The following TANC1 variants were observed in gnomAD, a reference collection of about 807,000 sequenced individuals.
TANC1 encodes protein TANC1.
In TANC1, 77 loss-of-function variants were observed where a neutral mutation model predicts 149.7. That is an observed-to-expected ratio of 0.51 (90% CI 0.43 to 0.62). TANC1 has a LOEUF of 0.62. TANC1 is among the 20% of genes least tolerant of loss of function. The probability of loss-of-function intolerance (pLI) is 0.00; values close to 1 mark genes in which losing one functional copy is unlikely to be tolerated. For missense variants in TANC1, 1,985 were observed against 2,321.8 expected, an observed-to-expected ratio of 0.85 and a Z score of 2.98; for synonymous variants, 854 against 925.0, an observed-to-expected ratio of 0.92 and a Z score of 1.39.
intron 19 of TANC1, among the ~76,000 whole-genome samples, chr2:159,214,527 C>A (rs1297619169): frequency 6.6e-6 from 1 of 152,236 alleles, no homozygotes; most frequent in Non-Finnish European, 1.5e-5. Flanking sequence ...GGTACCAGCA[C>A]TGACTTCTCA....
intron 1 of TANC1, among the ~76,000 whole-genome samples, chr2:158,992,226 T>C: frequency 6.6e-6 from 1 of 151,940 alleles, no homozygotes; most frequent in East Asian, 1.9e-4. Flanking sequence ...TAGATGGGCA[T>C]GGTGGTGTGC....
At chr2:159,136,002 T>G (rs13011527) in intron 4 of TANC1, among the ~76,000 whole-genome samples, 192 bp from the exon 5 acceptor site, 68 of 107,876 alleles carry the variant, frequency 6.3e-4, no homozygotes, top group African/African-American at 1.2e-3. Flanking sequence ...TACTGAAATT[T>G]TGTGTGTGTG....
intron 1 of TANC1, among the ~76,000 whole-genome samples, chr2:158,983,731 T>C (rs2034691601): frequency 6.6e-6 from 1 of 152,176 alleles, no homozygotes; most frequent in African/African-American, 2.4e-5. Flanking sequence ...ATTTATGAAA[T>C]AAATATTACC....
intron 2 of TANC1, among the ~76,000 whole-genome samples, chr2:159,063,089 G>A (rs1299555944): frequency 2.6e-5 from 4 of 151,376 alleles, no homozygotes; most frequent in Non-Finnish European, 4.4e-5. Flanking sequence ...AGACAGTTGT[G>A]TGAACTGGAC....
chr2:159,199,838 C>A (rs1384807834), intron 19 of TANC1, among the ~76,000 whole-genome samples: 1 of 152,124 alleles, frequency 6.6e-6, no homozygotes, highest in African/African-American at 2.4e-5. Flanking sequence ...AAATTATTTC[C>A]TAATAAGCCA....
At chr2:158,982,060 C>G (rs2034452315) in intron 1 of TANC1, among the ~76,000 whole-genome samples, 2 of 151,816 alleles carry the variant, frequency 1.3e-5, no homozygotes, top group African/African-American at 4.8e-5. Context: ...CTTCCAAGTG[C>G]TAGTTGTATG....
intron 4 of TANC1, among the ~76,000 whole-genome samples, chr2:159,120,652 G>A (rs2048754978): frequency 6.6e-6 from 1 of 152,120 alleles, no homozygotes; most frequent in South Asian, 2.1e-4. Context: ...TTTCAGGATA[G>A]GGTGTGGTGG....
In TANC1 at chr2:159,150,288, A is replaced by T; in HGVS notation, c.496-82A>T. 2 of 1,156,354 alleles carry T rather than the reference A, an allele frequency of 1.7e-6. No homozygotes were observed. The highest frequency in any genetic ancestry group is 2.5e-6 in the Non-Finnish European group (2 of 814,250). 71.6% of individuals were successfully genotyped at this position (1,156,354 alleles called of 1,614,324 possible). ...CTTCCGTTTTCCTGTTCTTAGTTTT[A>T]TTGTTTTAGCACAAAAACAAAAGCA... On this transcript the variant is annotated intron_variant, in intron 6 of 26. Coordinates refer to ENST00000263635, the MANE Select transcript of TANC1 (RefSeq NM_033394.3).
chr2:159,179,242 TG>T, intron 14 of TANC1, 79 bp downstream of exon 14: 1 of 1,506,082 alleles, frequency 6.6e-7, no homozygotes, highest in South Asian at 1.3e-5. Context: ...GTGATGCACG[TG>T]TCTCAATGGA....
chr2:159,228,580 T>G, intron 25 of TANC1: 1 of 522,324 alleles, frequency 1.9e-6, no homozygotes, highest in Non-Finnish European at 3.4e-6. Flanking sequence ...GGGGCACTGT[T>G]ACTACCACTG....
intron 14 of TANC1, among the ~76,000 whole-genome samples, chr2:159,182,773 T>C (rs2056618520): frequency 2.0e-5 from 3 of 152,220 alleles, no homozygotes; most frequent in South Asian, 4.1e-4. Flanking sequence ...CATGACATTG[T>C]CATGTCTCTG....
In TANC1 at chr2:159,225,777, AAAGT is replaced by A. The variant is rs759214798; in HGVS notation, c.3903+3_3903+6del. ...AATGGAGGAAGGAAATGTGATGTAC[AAAGT>A]AAGTGGTTCCGCCCTTTTCTTTGCC... On this transcript the variant is annotated splice_donor_variant and coding_sequence_variant, in exon 24 of 27. Coordinates refer to ENST00000263635, the MANE Select transcript of TANC1 (RefSeq NM_033394.3). LOFTEE classifies it high-confidence loss of function. The A allele has an allele frequency of 6.2e-7, 1 of 1,612,004 alleles. No individual in the cohort carries two copies.
chr2:159,150,591 G>T, intron 7 of TANC1, 35 bp downstream of exon 7: 1 of 1,532,058 alleles, frequency 6.5e-7, no homozygotes, highest in Non-Finnish European at 9.0e-7. Flanking sequence ...ATAATGGCTC[G>T]AATCTCATCA....
intron 4 of TANC1, among the ~76,000 whole-genome samples, chr2:159,117,295 C>T (rs892505720): frequency 2.6e-5 from 4 of 152,180 alleles, no homozygotes; most frequent in Non-Finnish European, 5.9e-5. Context: ...GCAGAGTTCC[C>T]GTGCACTCCA....
intron 2 of TANC1, among the ~76,000 whole-genome samples, chr2:159,013,362 A>T (rs1185651689): frequency 2.0e-5 from 3 of 152,212 alleles, no homozygotes; most frequent in Non-Finnish European, 2.9e-5. Flanking sequence ...TTCACAGAAC[A>T]TGAGAGTATT....
intron 1 of TANC1, among the ~76,000 whole-genome samples, chr2:158,990,141 T>TCCTGACCTCGTGATCTGCCCG (rs538219531): frequency 6.6e-6 from 1 of 152,062 alleles, no homozygotes; most frequent in South Asian, 2.1e-4. Flanking sequence ...GGTCTTGCAC[T>TCCTGACCTCGTGATCTGCCCG]CCTGACCTCG....
At chr2:159,079,344 GTC>G (rs1280283469) in intron 3 of TANC1, among the ~76,000 whole-genome samples, 2 of 62,190 alleles carry the variant, frequency 3.2e-5, no homozygotes, top group Non-Finnish European at 5.6e-5. Context: ...AAGTGTGTGT[GTC>G]TTTTTTTTTT....
At chr2:159,019,578 G>A (rs566755087) in intron 2 of TANC1, among the ~76,000 whole-genome samples, 1 of 149,920 alleles carries the variant, frequency 6.7e-6, no homozygotes, top group Non-Finnish European at 1.5e-5. Context: ...CTTCTGGGCA[G>A]TTGTCCACTT....
intron 1 of TANC1, among the ~76,000 whole-genome samples, chr2:158,992,465 G>A (rs1237701987): frequency 6.6e-6 from 1 of 151,362 alleles, no homozygotes; most frequent in Non-Finnish European, 1.5e-5. Context: ...ATGTATAGCT[G>A]TAGCTAAGGT....
Sources: allele counts gnomAD v4.1 joint callset (sites outside exome capture counted in the v4.1 genomes callset), GRCh38; gene constraint gnomAD v4.1.1; transcripts MANE v1.5; gene names NCBI Gene and HGNC (gene_info 2026-07-23, HGNC 2026-07-21).